GPR137B: variants seen among roughly 807,000 people sequenced by gnomAD.
GPR137B encodes the protein G protein-coupled receptor 137B.
GPR137B carries 42 observed loss-of-function variants against 42.5 expected under a neutral mutation model. That is an observed-to-expected ratio of 0.99 (90% CI 0.77 to 1.28). GPR137B has a LOEUF of 1.28. GPR137B is among the 50% of genes most tolerant of loss of function. The pLI, the probability that GPR137B is intolerant of heterozygous loss-of-function variation, is 0.00. For synonymous variants in GPR137B, 218 were observed against 209.7 expected (o/e 1.04, Z -0.34); for missense variants, 487 against 493.9 (o/e 0.99, Z 0.13).
chr1:236,151,421 T>C lies in GPR137B; in HGVS notation c.414+8385T>C, dbSNP rs1033946645. 5.4e-3 allele frequency among the ~76,000 whole-genome samples: 735 copies of C among 136,526 alleles called. 33 individuals carry two copies. Among genetic ancestry groups the C allele is most frequent in the African/African-American group, 0.019 (669 of 34,320 alleles). The allele number at this position is 136,526 out of a possible 152,430, so 89.6% of individuals were successfully genotyped here. A position where few individuals can be genotyped will look rare whatever the true frequency, so the allele number is the denominator to read the frequency against. On this transcript the variant is annotated intron_variant, in intron 1 of 6. Coordinates refer to ENST00000366592, the MANE Select transcript of GPR137B (RefSeq NM_003272.4). ...ATATGGTCTCTGTTGCATATTCATTTTTTTTTTTTTTTTTTTTTTTTGAGA... is the reference window on the plus strand; with the variant it reads ...ATATGGTCTCTGTTGCATATTCATTCTTTTTTTTTTTTTTTTTTTTTGAGA...
intron 6 of GPR137B, among the ~76,000 whole-genome samples, chr1:236,207,482 T>G (rs1572015392): frequency 6.6e-6 from 1 of 152,212 alleles, no homozygotes; most frequent in Non-Finnish European, 1.5e-5. Context: ...AGAAATGACT[T>G]AGAGCTGAGG....
intron 5 of GPR137B, among the ~76,000 whole-genome samples, chr1:236,191,357 C>T (rs1663188064): frequency 6.6e-6 from 1 of 152,196 alleles, no homozygotes; most frequent in Non-Finnish European, 1.5e-5. Flanking sequence ...TCATCAAACT[C>T]ATTCTCTGTC....
At chr1:236,182,476 G>A (rs1426975757) in intron 4 of GPR137B, among the ~76,000 whole-genome samples, 1 of 152,090 alleles carries the variant, frequency 6.6e-6, no homozygotes, top group African/African-American at 2.4e-5. Flanking sequence ...ATTTATGGGT[G>A]GGTGCAGTGG....
chr1:236,160,079 T>C (rs547727122), intron 1 of GPR137B, among the ~76,000 whole-genome samples: 1 of 152,332 alleles, frequency 6.6e-6, no homozygotes, highest in Non-Finnish European at 1.5e-5. Flanking sequence ...GAAGAAACGA[T>C]GCTAAAACCG....
At chr1:236,177,145 T>C (rs1239238807) in intron 2 of GPR137B, among the ~76,000 whole-genome samples, 1 of 152,060 alleles carries the variant, frequency 6.6e-6, no homozygotes, top group Non-Finnish European at 1.5e-5. Context: ...AGTGGGTAAA[T>C]TATTAATTAC....
At chr1:236,193,329 T>C (rs920908473) in intron 5 of GPR137B, among the ~76,000 whole-genome samples, 5 of 152,258 alleles carry the variant, frequency 3.3e-5, no homozygotes, top group African/African-American at 4.8e-5. Flanking sequence ...AAGGCTGTTA[T>C]AAACATTTGT....
chr1:236,164,449 C>A (rs932856888), intron 1 of GPR137B, among the ~76,000 whole-genome samples: 3 of 152,214 alleles, frequency 2.0e-5, no homozygotes, highest in Admixed American at 6.5e-5. Flanking sequence ...CGTCGCCCCT[C>A]CCAGCTGAGT....
intron 1 of GPR137B, among the ~76,000 whole-genome samples, chr1:236,164,106 C>T (rs571447188): frequency 1.3e-5 from 2 of 152,190 alleles, no homozygotes; most frequent in African/African-American, 4.8e-5. Context: ...CCTCCTCACA[C>T]CACTGGTGCT....
chr1:236,185,057 G>A lies in GPR137B; in HGVS notation c.966+1151G>A, dbSNP rs757209171. Among the ~76,000 whole-genome samples, 5 of 152,146 alleles carry A rather than the reference G, an allele frequency of 3.3e-5. No individual in the cohort carries two copies. The South Asian group carries it at 6.2e-4, about 19-fold the overall frequency. ...GCTGGGATTACAGGCGTGGGCCACC[G>A]CACCCGTCTGAGTTCATGGTTTTAA... is the stretch of plus-strand genomic sequence containing the variant. On this transcript the variant is annotated intron_variant, in intron 5 of 6. Coordinates refer to ENST00000366592, the MANE Select transcript of GPR137B (RefSeq NM_003272.4).
rs1418387888 is a variant in GPR137B at position 236,191,056 on chromosome 1, C to T, written c.966+7150C>T. On this transcript the variant is annotated intron_variant, in intron 5 of 6. Transcript: ENST00000366592. ...TGTTCATTCCTTTTTATTCTTTTTT[C>T]TCTAATCTTGTCTTCTTGCTTTGTA... Among the ~76,000 whole-genome samples the T allele has an allele frequency of 1.3e-5, 2 of 152,024 alleles. 1 individual carries two copies. Among genetic ancestry groups the T allele is most frequent in the East Asian group, 3.9e-4 (2 of 5,176 alleles).
Position 236,186,277 on chromosome 1 carries a change from A to ATCTATAATAT in GPR137B, c.966+2371_966+2372insTCTATAATAT, listed in dbSNP as rs1553365185. ...ATAATATATATTATATATTATATAT[A>ATCTATAATAT]ATAATATAAATAATATATAATATAT... On this transcript the variant is annotated intron_variant, in intron 5 of 6. Coordinates refer to ENST00000366592, the MANE Select transcript of GPR137B (RefSeq NM_003272.4). Among the ~76,000 whole-genome samples the ATCTATAATAT allele has an allele frequency of 1.7e-4, 3 of 17,960 alleles. No homozygotes were observed. In the East Asian group the frequency reaches 8.5e-3, roughly 51 times the overall value. The allele number at this position is 17,960 out of a possible 152,430, so 11.8% of individuals were successfully genotyped here.
chr1:236,172,040 C>CAAAAAA (rs554280420), intron 2 of GPR137B, among the ~76,000 whole-genome samples: 3 of 72,498 alleles, frequency 4.1e-5, no homozygotes, highest in African/African-American at 1.4e-4. Flanking sequence ...AACTCCATCT[C>CAAAAAA]AAAAAAAAAA....
At chr1:236,144,867 C>G in intron 1 of GPR137B, among the ~76,000 whole-genome samples, 1 of 152,170 alleles carries the variant, frequency 6.6e-6, no homozygotes, top group East Asian at 1.9e-4. Context: ...ACTGCCACAG[C>G]TCTCTGGTAA....
At position 236,208,455 on chromosome 1, in the gene GPR137B, GTTTT is replaced by G; in HGVS notation, c.*303_*306del. On this transcript the variant is annotated 3_prime_UTR_variant, in exon 7 of 7. Coordinates refer to ENST00000366592, the MANE Select transcript of GPR137B (RefSeq NM_003272.4). Reference sequence around the variant, plus strand: ...AATAATAATGCTAAAGTATACTAGGGTTTTTTTTTCTTGAGAATGTTACTGCAAT... The same window carrying G: ...AATAATAATGCTAAAGTATACTAGGGTTTTTCTTGAGAATGTTACTGCAAT... 1.2e-6 allele frequency: 1 copy of G among 826,118 alleles called. No homozygotes were observed. The highest frequency in any genetic ancestry group is 1.5e-6 in the Non-Finnish European group (1 of 661,282). The allele number at this position is 826,118 out of a possible 1,614,324, so 51.2% of individuals were successfully genotyped here.
chr1:236,169,071 G>A (rs1217466039), intron 2 of GPR137B, among the ~76,000 whole-genome samples: 2 of 152,200 alleles, frequency 1.3e-5, no homozygotes, highest in Admixed American at 1.3e-4. Flanking sequence ...CCTTCCTGAG[G>A]CACTTGAGAA....
At chr1:236,144,827 G>A (rs1001626964) in intron 1 of GPR137B, among the ~76,000 whole-genome samples, 2 of 152,334 alleles carry the variant, frequency 1.3e-5, no homozygotes, top group African/African-American at 4.8e-5. Flanking sequence ...CCTTTTTGGG[G>A]GGCAGTGGGG....
At chr1:236,164,263 A>G (rs1662280878) in intron 1 of GPR137B, among the ~76,000 whole-genome samples, 1 of 152,210 alleles carries the variant, frequency 6.6e-6, no homozygotes, top group African/African-American at 2.4e-5. Context: ...ACCAATTGGA[A>G]AGCCAGGATG....
intron 1 of GPR137B, among the ~76,000 whole-genome samples, chr1:236,146,375 T>G (rs1571954619): frequency 6.6e-6 from 1 of 151,816 alleles, no homozygotes; most frequent in Non-Finnish European, 1.5e-5. Context: ...TGAAGCTGGG[T>G]GGGGAGGAAG....
At chr1:236,173,064 G>A (rs1662590320) in intron 2 of GPR137B, among the ~76,000 whole-genome samples, 1 of 151,442 alleles carries the variant, frequency 6.6e-6, no homozygotes, top group South Asian at 2.1e-4. Flanking sequence ...AGGCTGAGGT[G>A]GGAGCATCAC....
Sources: gnomAD v4.1 joint callset for allele counts (sites outside exome capture counted in the v4.1 genomes callset) on GRCh38, gnomAD v4.1.1 for gene constraint, MANE v1.5 for transcripts, NCBI Gene and HGNC (gene_info 2026-07-23, HGNC 2026-07-21) for gene names.